Variants in ZBTB10 observed in about 807,000 individuals in gnomAD.
ZBTB10 encodes zinc finger and BTB domain-containing protein 10.
Under a neutral mutation model 76.4 loss-of-function variants are expected in ZBTB10, and 32 were observed. The ratio of observed to expected loss-of-function variants is 0.42; its 90% CI spans 0.32 to 0.56. ZBTB10 has a LOEUF of 0.56. ZBTB10 is among the 20% of genes least tolerant of loss of function. ZBTB10 has a pLI of 0.14. For missense variants in ZBTB10, 1,057 were observed against 1,098.5 expected (o/e 0.96, Z 0.53); for synonymous variants, 523 against 432.9 (o/e 1.21, Z -2.58).
chr8:80,496,367 T>C (rs367967516), intron 1 of ZBTB10, among the ~76,000 whole-genome samples: 29 of 149,324 alleles, frequency 1.9e-4, no homozygotes, highest in Admixed American at 4.0e-4. Flanking sequence ...TTTATGTGGT[T>C]TCTTTTTTTT....
intron 1 of ZBTB10, among the ~76,000 whole-genome samples, chr8:80,497,681 A>ATTTT (rs1815821010): frequency 7.7e-6 from 1 of 129,228 alleles, no homozygotes. Flanking sequence ...GTGTCCTGGA[A>ATTTT]TCTTTTTTTT....
Position 80,486,601 on chromosome 8 carries a change from C to CCGGCAG in ZBTB10, c.-194_-189dup, listed in dbSNP as rs537446139. The stretch of plus-strand genomic sequence containing the variant: ...CGAGAGAGCGGTCGGAGGCGTCGGC[C>CCGGCAG]CGGCAGCGGCAGCGGCAGCGGACGC... On this transcript the variant is annotated 5_prime_UTR_variant, in exon 1 of 6. Transcript: ENST00000455036. The CCGGCAG allele has an allele frequency of 3.9e-3, 3,882 of 987,166 alleles. 88 individuals carry two copies. The African/African-American group carries it at 0.053, about 13-fold the overall frequency. The allele number at this position is 987,166 out of a possible 1,614,324, so 61.2% of individuals were successfully genotyped here. A position where few individuals can be genotyped will look rare whatever the true frequency, so the allele number is the denominator to read the frequency against.
Position 80,518,424 on chromosome 8 carries a change from A to C in ZBTB10, c.1982A>C (p.Tyr661Ser). 6.4e-7 allele frequency: 1 copy of C among 1,551,346 alleles called. No homozygotes were observed. The highest frequency in any genetic ancestry group is 8.7e-7 in the Non-Finnish European group (1 of 1,147,306). ...GDAGTSHDFK[Y>S]GLMPGPSNDF... ...CTAGGTACTTCACATGATTTCAAGT[A>C]TGGTTTGATGCCTGGTCCTTCAAAT... Residue 661 changes from tyrosine (Y) to serine (S), a missense_variant, in exon 4 of 6, where the codon TAT becomes TCT. Tyr to Ser is a moderately radical substitution (Grantham distance 144, BLOSUM62 -2). This residue lies in a region of ZBTB10 where 306 missense variants were observed against 297.5 expected (regional missense o/e 1.03). Coordinates refer to ENST00000455036, the MANE Select transcript of ZBTB10 (RefSeq NM_001105539.3).
chr8:80,487,116 C>G lies in ZBTB10; in HGVS notation c.306C>G (p.Gly102=), dbSNP rs1157395477. Residue 102 remains glycine, a synonymous_variant, in exon 1 of 6, where the codon GGC becomes GGG. Coordinates refer to ENST00000455036, the MANE Select transcript of ZBTB10 (RefSeq NM_001105539.3). ...TGCTGCTCCCCCAAGACGCGGGCGG[C>G]CCCACCTCGCTTGGCGGTGGCGCGG... ...KELLLPQDAG[G]PTSLGGGAGG... 6.6e-7 allele frequency: 1 copy of G among 1,518,038 alleles called. No homozygotes were observed. Among genetic ancestry groups the G allele is most frequent in the South Asian group, 1.2e-5 (1 of 81,548 alleles). The allele number at this position is 1,518,038 out of a possible 1,614,324, so 94.0% of individuals were successfully genotyped here.
chr8:80,521,994 C>T lies in ZBTB10; in HGVS notation c.*2466C>T, dbSNP rs1816458375. On this transcript the variant is annotated 3_prime_UTR_variant, in exon 6 of 6. Transcript: ENST00000455036. ...TGTTTATACTCTTGAATATATTAGC[C>T]TCAGCCTATATAAAAATTTCTTTGA... The T allele has an allele frequency of 6.6e-6, 1 of 151,740 alleles. No individual in the cohort carries two copies. Among genetic ancestry groups the T allele is most frequent in the Admixed American group, 6.6e-5 (1 of 15,218 alleles). The allele number at this position is 151,740 out of a possible 1,614,324, so 9.4% of individuals were successfully genotyped here. A position where few individuals can be genotyped will look rare whatever the true frequency, so the allele number is the denominator to read the frequency against.
At chr8:80,502,880 T>C (rs1274045795) in intron 2 of ZBTB10, among the ~76,000 whole-genome samples, 1 of 152,200 alleles carries the variant, frequency 6.6e-6, no homozygotes, top group Non-Finnish European at 1.5e-5. Context: ...ACCCTTCGTA[T>C]ATAGCAGTGG....
chr8:80,506,377 G>A (rs1029225355), intron 2 of ZBTB10, among the ~76,000 whole-genome samples: 10 of 151,424 alleles, frequency 6.6e-5, no homozygotes, highest in African/African-American at 1.9e-4. Flanking sequence ...GTGCAGTGGC[G>A]TGATCTTGGC....
chr8:80,493,290 G>C (rs1008923773), intron 1 of ZBTB10, among the ~76,000 whole-genome samples: 7 of 151,866 alleles, frequency 4.6e-5, no homozygotes, highest in Non-Finnish European at 8.8e-5. Flanking sequence ...GGGAGAGTTT[G>C]GTTGCTGTGC....
At chr8:80,511,011 G>A (rs1270193211) in intron 2 of ZBTB10, among the ~76,000 whole-genome samples, 1 of 152,076 alleles carries the variant, frequency 6.6e-6, no homozygotes, top group Admixed American at 6.5e-5. Context: ...GTTGCTAGGT[G>A]GTTTGGCTGG....
upstream of ZBTB10, chr8:80,485,780 G>C (rs1815428883): frequency 6.5e-7 from 1 of 1,534,364 alleles, no homozygotes; most frequent in Non-Finnish European, 8.7e-7. Flanking sequence ...CCCACCCTCA[G>C]CAAATGACAA....
intron 1 of ZBTB10, among the ~76,000 whole-genome samples, chr8:80,491,769 A>ATTAAG (rs1482383420): frequency 2.0e-5 from 3 of 152,236 alleles, no homozygotes; most frequent in Non-Finnish European, 4.4e-5. Context: ...AACAGTGATT[A>ATTAAG]CCAGTTATTC....
chr8:80,493,778 C>T (rs1585840601), intron 1 of ZBTB10, among the ~76,000 whole-genome samples: 1 of 152,128 alleles, frequency 6.6e-6, no homozygotes, highest in Non-Finnish European at 1.5e-5. Context: ...TGTGGTGAGC[C>T]GAGATCGCGC....
rs1310671714 is a variant in ZBTB10, at chr8:80,518,597, A to C, written c.2137+18A>C. 6.5e-7 allele frequency: 1 copy of C among 1,535,320 alleles called. No homozygotes were observed. Among genetic ancestry groups the C allele is most frequent in the South Asian group, 1.2e-5 (1 of 80,212 alleles). On this transcript the variant is annotated intron_variant, in intron 4 of 5. Transcript: ENST00000455036. ...GGAAAATGGCAAGTATTAGTCAACT[A>C]AACAAATACAGAATTAATTAAATAA...
At chr8:80,506,051 A>G (rs1816043843) in intron 2 of ZBTB10, among the ~76,000 whole-genome samples, 1 of 151,292 alleles carries the variant, frequency 6.6e-6, no homozygotes, top group African/African-American at 2.4e-5. Context: ...CACTGTGTCC[A>G]GTCTAAAATA....
chr8:80,488,267 A>G (rs1479893372), intron 1 of ZBTB10, among the ~76,000 whole-genome samples: 4 of 152,238 alleles, frequency 2.6e-5, no homozygotes, highest in Admixed American at 2.6e-4. Flanking sequence ...CGTCCAGCCG[A>G]AAAAATTCTT....
chr8:80,508,665 G>A (rs1254890657), intron 2 of ZBTB10, among the ~76,000 whole-genome samples: 1 of 152,170 alleles, frequency 6.6e-6, no homozygotes, highest in East Asian at 1.9e-4. Context: ...CTTTTGTTAT[G>A]TAGGAGTTTG....
intron 2 of ZBTB10, among the ~76,000 whole-genome samples, chr8:80,503,193 G>A (rs975057105): frequency 6.6e-6 from 1 of 152,146 alleles, no homozygotes; most frequent in Non-Finnish European, 1.5e-5. Context: ...AAAATATTGT[G>A]TTGATTTTAT....
chr8:80,497,674 T>C lies in ZBTB10; in HGVS notation c.973-1820T>C, dbSNP rs144837529. On this transcript the variant is annotated intron_variant, in intron 1 of 5. Transcript: ENST00000455036. ...TTCACAGTGAAACAGTTGAAGTGTG[T>C]CCTGGAATCTTTTTTTTTTTTTTTT... Among the ~76,000 whole-genome samples, 918 of 147,120 alleles carry C rather than the reference T, an allele frequency of 6.2e-3. 6 individuals carry two copies. Among genetic ancestry groups the C allele is most frequent in the Non-Finnish European group, 0.01 (672 of 67,138 alleles).
chr8:80,487,462 G>A lies in ZBTB10; in HGVS notation c.652G>A (p.Val218Met). ...GTCGGGCGGCGATGGCGGGGACGAAGTGGAGGGCAGCGGTGTGGGAGCTGG... is the reference window on the plus strand; with the variant it reads ...GTCGGGCGGCGATGGCGGGGACGAAATGGAGGGCAGCGGTGTGGGAGCTGG... The part of the protein sequence containing the change: ...RRSGGDGGDE[V>M]EGSGVGAGEG... Residue 218 changes from valine to methionine, a missense_variant, in exon 1 of 6, where the codon GTG (valine) becomes ATG (methionine). Val to Met is a conservative substitution (Grantham distance 21, BLOSUM62 1). Around this residue, in one of 5 missense-constraint regions of ZBTB10, gnomAD observed 556 missense variants for 451.7 expected, o/e 1.23. Coordinates refer to ENST00000455036, the MANE Select transcript of ZBTB10 (RefSeq NM_001105539.3). 6.5e-7 allele frequency: 1 copy of A among 1,549,584 alleles called. No individual in the cohort carries two copies. The highest frequency in any genetic ancestry group is 8.7e-7 in the Non-Finnish European group (1 of 1,145,334).
Sources: allele counts gnomAD v4.1 joint callset (sites outside exome capture counted in the v4.1 genomes callset), GRCh38; gene constraint gnomAD v4.1.1; regional missense constraint gnomAD v4.1.1; transcripts MANE v1.5; gene names NCBI Gene and HGNC (gene_info 2026-07-23, HGNC 2026-07-21).